The following POT1 variants were observed in gnomAD, a reference collection of about 807,000 sequenced individuals.
POT1 encodes the protein protection of telomeres protein 1.
Under a neutral mutation model 78.5 loss-of-function variants are expected in POT1, and 47 were observed. The observed-to-expected ratio is 0.60, with a 90% CI of 0.47 to 0.76. POT1 has a LOEUF of 0.76. Ranked by LOEUF, POT1 falls within the 30% of genes least tolerant of loss-of-function variation. POT1 has a pLI of 0.00. For synonymous variants in POT1, 259 were observed against 260.7 expected (o/e 0.99, Z 0.06); for missense variants, 646 against 749.9 (o/e 0.86, Z 1.62).
chr7:124,909,789 A>T (rs564503164), intron 3 of POT1, among the ~76,000 whole-genome samples: 1 of 152,036 alleles, frequency 6.6e-6, no homozygotes, highest in Non-Finnish European at 1.5e-5. Context: ...TGTTTTGTAG[A>T]TGTACTATAC....
At chr7:124,881,816 G>C (rs1327793580) in intron 6 of POT1, among the ~76,000 whole-genome samples, 1 of 152,016 alleles carries the variant, frequency 6.6e-6, no homozygotes, top group South Asian at 2.1e-4. Context: ...AAAGTGGAAA[G>C]AGTAGAAAAT....
intron 5 of POT1, 108 bp from the exon 6 acceptor site, chr7:124,892,488 G>A (rs919513995): frequency 5.5e-6 from 3 of 549,434 alleles, no homozygotes; most frequent in Non-Finnish European, 9.1e-6. Flanking sequence ...ATCCTTTTAA[G>A]TGTCTAAAAG....
In POT1 at chr7:124,855,218, C is replaced by CAAAA. The variant is rs550056711; in HGVS notation, c.703-2084_703-2081dup. On this transcript the variant is annotated intron_variant, in intron 9 of 18. Transcript: ENST00000357628. ...ACATATGGAGACACAGAGAGGAGAG[C>CAAAA]AAAAAAAAAAAAAAAAAAAAAAAAA... 2.5e-4 allele frequency among the ~76,000 whole-genome samples: 13 copies of CAAAA among 52,490 alleles called. 1 individual carries two copies. The highest frequency in any genetic ancestry group is 5.6e-4 in the East Asian group (1 of 1,770). The allele number at this position is 52,490 out of a possible 152,430, so 34.4% of individuals were successfully genotyped here.
chr7:124,856,451 C>G (rs1795449122), intron 9 of POT1, among the ~76,000 whole-genome samples: 1 of 139,742 alleles, frequency 7.2e-6, no homozygotes, highest in Admixed American at 6.9e-5. Flanking sequence ...CATACATTTT[C>G]TTAATTATGT....
intron 6 of POT1, among the ~76,000 whole-genome samples, chr7:124,871,709 CTG>C (rs1795873867): frequency 6.7e-6 from 1 of 148,964 alleles, no homozygotes; most frequent in Non-Finnish European, 1.5e-5. Flanking sequence ...GTAGTAAAAA[CTG>C]TAATAGATCC....
At chr7:124,872,208 A>G (rs35423300) in intron 6 of POT1, among the ~76,000 whole-genome samples, 48,576 of 151,980 alleles carry the variant, frequency 0.32, 7,788 homozygotes, top group South Asian at 0.4. Context: ...TACAGACCAC[A>G]TTTTCTTTAT....
chr7:124,852,897 CCCCAGGAACAATAT>C lies in POT1; in HGVS notation c.869+61_869+74del, dbSNP rs1430052364. 4 of 1,336,556 alleles carry C rather than the reference CCCCAGGAACAATAT, an allele frequency of 3.0e-6. No individual in the cohort carries two copies. The East Asian group carries it at 7.1e-5, about 24-fold the overall frequency. 82.8% of individuals were successfully genotyped at this position (1,336,556 alleles called of 1,614,324 possible). On this transcript the variant is annotated intron_variant, in intron 10 of 18. Transcript: ENST00000357628. The stretch of plus-strand genomic sequence containing the variant: ...CAAAAGGCTAGGGAACTATCAGAAG[CCCCAGGAACAATAT>C]TATCTTAGAAATCGGCTTAATCGAT...
At chr7:124,927,398 GTT>G (rs1423901144) in intron 2 of POT1, among the ~76,000 whole-genome samples, 1 of 152,108 alleles carries the variant, frequency 6.6e-6, no homozygotes. Context: ...CTTAACCTGT[GTT>G]TGTTTTCCAG....
At chr7:124,922,857 G>A (rs756903142) in intron 2 of POT1, among the ~76,000 whole-genome samples, 6 of 151,750 alleles carry the variant, frequency 4.0e-5, no homozygotes, top group Non-Finnish European at 7.4e-5. Flanking sequence ...GCATGATCCC[G>A]TTATATGCTA....
chr7:124,851,397 A>C (rs181473955), intron 11 of POT1, among the ~76,000 whole-genome samples: 1 of 152,340 alleles, frequency 6.6e-6, no homozygotes. Flanking sequence ...CTAGTCACTT[A>C]TTCAAGCAGA....
chr7:124,840,937 G>C (rs1226265873), intron 14 of POT1, 36 bp downstream of exon 14: 2 of 1,460,494 alleles, frequency 1.4e-6, no homozygotes, highest in Non-Finnish European at 1.9e-6. Flanking sequence ...TATGCAAAAG[G>C]AGTATTCTAA....
intron 3 of POT1, among the ~76,000 whole-genome samples, chr7:124,900,630 G>C (rs1796595520): frequency 2.0e-5 from 3 of 151,972 alleles, no homozygotes; most frequent in Admixed American, 1.3e-4. Context: ...TGAGGTACTG[G>C]GGTCATCTCA....
At chr7:124,828,854 T>C (rs1391693811) in intron 16 of POT1, 15 of 524,230 alleles carry the variant, frequency 2.9e-5, no homozygotes, top group South Asian at 9.8e-5. Flanking sequence ...TAAATAGCTA[T>C]ACAATGACAT....
At chr7:124,902,347 C>A (rs1401530319) in intron 3 of POT1, among the ~76,000 whole-genome samples, 1 of 152,132 alleles carries the variant, frequency 6.6e-6, no homozygotes, top group African/African-American at 2.4e-5. Context: ...ACTCTACAAG[C>A]CAGAAGAGAG....
At chr7:124,831,051 G>C (rs1296547936) in intron 15 of POT1, among the ~76,000 whole-genome samples, 21 of 152,068 alleles carry the variant, frequency 1.4e-4, no homozygotes, top group Admixed American at 1.4e-3. Context: ...GATAAACACG[G>C]GGGCTGCTTA....
At chr7:124,902,486 G>C (rs1334724841) in intron 3 of POT1, among the ~76,000 whole-genome samples, 1 of 152,116 alleles carries the variant, frequency 6.6e-6, no homozygotes, top group Non-Finnish European at 1.5e-5. Context: ...GAAAGATTTT[G>C]TCACCACCAG....
chr7:124,894,605 T>C (rs1298849263), intron 5 of POT1, among the ~76,000 whole-genome samples: 1 of 151,654 alleles, frequency 6.6e-6, no homozygotes, highest in African/African-American at 2.4e-5. Flanking sequence ...TGAGTTGGGT[T>C]AATATTCTTA....
chr7:124,868,840 A>C (rs1340656869), intron 7 of POT1, among the ~76,000 whole-genome samples: 1 of 151,198 alleles, frequency 6.6e-6, no homozygotes, highest in Non-Finnish European at 1.5e-5. Context: ...TTGAATTTTC[A>C]TATTGATTTC....
chr7:124,855,348 G>C (rs1255626699), intron 9 of POT1, among the ~76,000 whole-genome samples: 1 of 151,292 alleles, frequency 6.6e-6, no homozygotes, highest in East Asian at 1.9e-4. Context: ...AAAATAAGGT[G>C]AACACACGGG....
Sources: allele counts gnomAD v4.1 joint callset (sites outside exome capture counted in the v4.1 genomes callset), GRCh38; gene constraint gnomAD v4.1.1; transcripts MANE v1.5; gene names NCBI Gene and HGNC (gene_info 2026-07-23, HGNC 2026-07-21).